The following FAM149A variants were observed in gnomAD, a reference collection of about 807,000 sequenced individuals.
FAM149A encodes the protein family with sequence similarity 149 member A.
A neutral mutation model predicts 78.2 loss-of-function variants in FAM149A; 71 were observed. The observed-to-expected ratio is 0.91, with a 90% CI of 0.75 to 1.11. The LOEUF (loss-of-function observed/expected upper bound fraction) is 1.11, where lower values mean the gene tolerates loss of function less well. FAM149A is among the 50% of genes least tolerant of loss of function. The pLI is 0.00. For missense variants in FAM149A, 1,036 were observed against 971.0 expected (o/e 1.07, Z -0.89); for synonymous variants, 446 against 410.5 (o/e 1.09, Z -1.04).
rs527503245 is a variant in FAM149A, at chr4:186,166,126, G to C, written c.2010+662G>C. On this transcript the variant is annotated intron_variant, in intron 11 of 13. Transcript: ENST00000389354. Reference sequence around the variant, plus strand: ...AGCATGCATATCCAGGCAGCCCCCAGGTTTACAGCCACCCCTCACTCCACT... The same window carrying C: ...AGCATGCATATCCAGGCAGCCCCCACGTTTACAGCCACCCCTCACTCCACT... Among the ~76,000 whole-genome samples the C allele has an allele frequency of 6.6e-5, 10 of 152,210 alleles. No individual in the cohort carries two copies. In the East Asian group the frequency reaches 1.9e-3, roughly 29 times the overall value.
chr4:186,123,401 T>C (rs930298094), intron 1 of FAM149A: 9 of 982,026 alleles, frequency 9.2e-6, no homozygotes, highest in Non-Finnish European at 9.7e-6. Flanking sequence ...GGGAGACAGT[T>C]CTCCCTGGGC....
intron 1 of FAM149A, chr4:186,123,963 T>G: frequency 1.0e-6 from 1 of 985,010 alleles, no homozygotes. Flanking sequence ...AAATTTGCCA[T>G]CTTAACTAGA....
intron 1 of FAM149A, chr4:186,125,336 G>A (rs1297872011): frequency 5.1e-6 from 5 of 985,312 alleles, no homozygotes; most frequent in Non-Finnish European, 6.0e-6. Context: ...CACAGAGCCA[G>A]GATGCCTGCT....
chr4:186,128,722 TGTTG>T (rs1287700883), intron 1 of FAM149A, among the ~76,000 whole-genome samples: 1 of 152,194 alleles, frequency 6.6e-6, no homozygotes, highest in Non-Finnish European at 1.5e-5. Flanking sequence ...GTACTTCAGT[TGTTG>T]GTTTGGTTAA....
chr4:186,130,172 A>G (rs888685798), intron 1 of FAM149A: 1 of 151,794 alleles, frequency 6.6e-6, no homozygotes, highest in African/African-American at 2.4e-5. Flanking sequence ...GAACACAGAT[A>G]GGAGGTAACT....
At chr4:186,133,087 G>T (rs2099321434) in intron 1 of FAM149A, 1 of 985,204 alleles carries the variant, frequency 1.0e-6, no homozygotes, top group African/African-American at 1.7e-5. Context: ...TCCTCCCTAG[G>T]CATTCACTGG....
rs1735597729 is a variant in FAM149A, at chr4:186,172,283, AT to A, written c.*298del. ...ATTTTATCAATGATACGCAAACATA[AT>A]TAGCATGTGTATGTACTCACACACT... On this transcript the variant is annotated 3_prime_UTR_variant, in exon 14 of 14. Coordinates refer to ENST00000389354, the MANE Select transcript of FAM149A (RefSeq NM_001367768.3). 3.4e-6 allele frequency: 1 copy of A among 293,516 alleles called. No homozygotes were observed. The highest frequency in any genetic ancestry group is 2.2e-5 in the African/African-American group (1 of 45,754). The allele number at this position is 293,516 out of a possible 1,614,324, so 18.2% of individuals were successfully genotyped here. A position where few individuals can be genotyped will look rare whatever the true frequency, so the allele number is the denominator to read the frequency against.
At position 186,158,035 on chromosome 4, in the gene FAM149A, ATC is replaced by A. The variant is rs1462540618; in HGVS notation, c.1575+320_1575+321del. 2.8e-6 allele frequency: 4 copies of A among 1,408,464 alleles called. No individual in the cohort carries two copies. The South Asian group carries it at 3.6e-5, about 13-fold the overall frequency. 87.2% of individuals were successfully genotyped at this position (1,408,464 alleles called of 1,614,324 possible). ...CACAAAAGGACGGACCAGCGATGGCATCTCTGTCATAAATCTGAAGGGACCTG... is the reference window on the plus strand; with the variant it reads ...CACAAAAGGACGGACCAGCGATGGCATCTGTCATAAATCTGAAGGGACCTG... On this transcript the variant is annotated intron_variant, in intron 8 of 13. Coordinates refer to ENST00000389354, the MANE Select transcript of FAM149A (RefSeq NM_001367768.3).
intron 1 of FAM149A, among the ~76,000 whole-genome samples, chr4:186,140,527 C>T (rs1227246801): frequency 6.8e-6 from 1 of 146,066 alleles, no homozygotes; most frequent in Non-Finnish European, 1.5e-5. Context: ...TCAAGAGATC[C>T]TCCTGACTTG....
intron 1 of FAM149A, among the ~76,000 whole-genome samples, chr4:186,136,996 CTCTCTCTCTCTCTCTCTCTCTCTAA>C (rs1306191328): frequency 3.6e-5 from 5 of 139,070 alleles, no homozygotes; most frequent in East Asian, 5.0e-4. Flanking sequence ...CTCTCTCTCT[CTCTCTCTCTCTCTCTCTCTCTCTAA>C]GTGCTTAAAG....
At chr4:186,121,308 G>A (rs1052446424) in intron 1 of FAM149A, among the ~76,000 whole-genome samples, 6 of 152,040 alleles carry the variant, frequency 3.9e-5, no homozygotes, top group African/African-American at 9.7e-5. Context: ...TTTGGAAGAA[G>A]CCTTATAATT....
intron 8 of FAM149A, among the ~76,000 whole-genome samples, chr4:186,160,081 A>C (rs561985911): frequency 2.0e-4 from 28 of 140,562 alleles, no homozygotes; most frequent in African/African-American, 5.1e-4. Context: ...CCACACACCA[A>C]ACACATACCA....
At chr4:186,126,317 T>C (rs1233659650) in intron 1 of FAM149A, among the ~76,000 whole-genome samples, 1 of 152,142 alleles carries the variant, frequency 6.6e-6, no homozygotes, top group East Asian at 1.9e-4. Flanking sequence ...CATATGGTGG[T>C]GTGACGGTCA....
chr4:186,119,089 G>A (rs1003191040), intron 1 of FAM149A, among the ~76,000 whole-genome samples: 34 of 152,140 alleles, frequency 2.2e-4, no homozygotes, highest in African/African-American at 7.7e-4. Flanking sequence ...TCCCTCATGG[G>A]TGCAGTCTGG....
intron 1 of FAM149A, among the ~76,000 whole-genome samples, chr4:186,127,958 G>A (rs529002857): frequency 1.3e-4 from 18 of 142,640 alleles, no homozygotes; most frequent in African/African-American, 4.2e-4. Flanking sequence ...AAAGTGTTGG[G>A]ATTACAGGCA....
In FAM149A at chr4:186,105,028, G is replaced by A. The variant is rs775004200; in HGVS notation, c.-49G>A. The A allele has an allele frequency of 9.5e-6, 12 of 1,259,724 alleles. No homozygotes were observed. Among genetic ancestry groups the A allele is most frequent in the South Asian group, 1.3e-5 (1 of 78,822 alleles). 78.0% of individuals were successfully genotyped at this position (1,259,724 alleles called of 1,614,324 possible). A position where few individuals can be genotyped will look rare whatever the true frequency, so the allele number is the denominator to read the frequency against. ...CGGGCCGCCTCGGCCGGATCTCCGC[G>A]GTCTGAACTCTCGGGCGGCGGCGAG... On this transcript the variant is annotated 5_prime_UTR_variant, in exon 1 of 14. Transcript: ENST00000389354.
At chr4:186,111,937 T>G (rs907540445) in intron 1 of FAM149A, among the ~76,000 whole-genome samples, 16 of 151,704 alleles carry the variant, frequency 1.1e-4, no homozygotes, top group African/African-American at 3.9e-4. Flanking sequence ...GTGAAGAAAG[T>G]CATTGGTAGC....
intron 1 of FAM149A, among the ~76,000 whole-genome samples, chr4:186,129,264 G>A (rs1193625411): frequency 2.0e-5 from 3 of 151,994 alleles, no homozygotes; most frequent in African/African-American, 7.3e-5. Flanking sequence ...TGTCCCTGTT[G>A]AGAAGCCTCT....
chr4:186,105,952 C>T (rs1262056153), intron 1 of FAM149A, among the ~76,000 whole-genome samples: 1 of 152,150 alleles, frequency 6.6e-6, no homozygotes, highest in Non-Finnish European at 1.5e-5. Flanking sequence ...GTTTGGTTTT[C>T]TTAAGGACTT....
Sources: gnomAD v4.1 joint callset for allele counts (sites outside exome capture counted in the v4.1 genomes callset) on GRCh38, gnomAD v4.1.1 for gene constraint, MANE v1.5 for transcripts, NCBI Gene and HGNC (gene_info 2026-07-23, HGNC 2026-07-21) for gene names.